BLTP1: variants seen among roughly 807,000 people sequenced by gnomAD.
BLTP1 encodes the protein fragile site-associated protein.
chr4:122,227,865 C>T, the BLTP1 span: 2 of 151,476 alleles, frequency 1.3e-5, no homozygotes, highest in Admixed American at 6.6e-5. Flanking sequence ...GGTGCCTCCC[C>T]CTCCTTTTTC....
chr4:122,205,639 C>T, the BLTP1 span, among the ~76,000 whole-genome samples: 1 of 25,690 alleles, frequency 3.9e-5, no homozygotes, highest in Non-Finnish European at 1.0e-4. Flanking sequence ...GTTTCCCCCC[C>T]CTTCTCTCTC....
the BLTP1 span, among the ~76,000 whole-genome samples, chr4:122,223,313 A>G: frequency 3.9e-5 from 6 of 152,204 alleles, no homozygotes; most frequent in African/African-American, 1.4e-4. Flanking sequence ...CCTGTGAGAT[A>G]GCCTAGACAT....
At chr4:122,271,764 AT>A in the BLTP1 span, 1 of 1,277,474 alleles carries the variant, frequency 7.8e-7, no homozygotes, top group East Asian at 2.4e-5. Context: ...TCCATTTACA[AT>A]AACAATAATA....
At chr4:122,269,614 A>G in the BLTP1 span, 5,873 of 984,972 alleles carry the variant, frequency 6.0e-3, 289 homozygotes, top group African/African-American at 0.095. Context: ...TAATTTCAGT[A>G]TTGTCTGGGT....
chr4:122,283,725 G>T, the BLTP1 span, among the ~76,000 whole-genome samples: 10 of 152,084 alleles, frequency 6.6e-5, no homozygotes, highest in African/African-American at 1.7e-4. Context: ...GCCTAGGCTG[G>T]TGTTGAACTC....
At chr4:122,236,548 G>T in the BLTP1 span, among the ~76,000 whole-genome samples, 3 of 152,138 alleles carry the variant, frequency 2.0e-5, no homozygotes, top group Non-Finnish European at 4.4e-5. Context: ...GTTGCATGAA[G>T]TGATATAGCC....
chr4:122,276,427 T>A, the BLTP1 span: 4 of 974,224 alleles, frequency 4.1e-6, no homozygotes, highest in Non-Finnish European at 4.9e-6. Flanking sequence ...TCTGTACATC[T>A]CAGCCTTATA....
the BLTP1 span, chr4:122,315,334 T>A: frequency 2.5e-6 from 3 of 1,201,526 alleles, no homozygotes; most frequent in African/African-American, 4.6e-5. Flanking sequence ...AATCCTGTAG[T>A]CTGATGTTTC....
chr4:122,300,583 C>T, the BLTP1 span, among the ~76,000 whole-genome samples: 1 of 152,012 alleles, frequency 6.6e-6, no homozygotes, highest in African/African-American at 2.4e-5. Flanking sequence ...ATAGTACTAA[C>T]TAAATAGATT....
chr4:122,290,199 T>TGCA, the BLTP1 span, among the ~76,000 whole-genome samples: 2 of 152,178 alleles, frequency 1.3e-5, no homozygotes, highest in East Asian at 3.9e-4. Context: ...GAGGAAGCCC[T>TGCA]GCAGAGCTGT....
the BLTP1 span, chr4:122,161,078 G>A: frequency 1.1e-6 from 1 of 921,682 alleles, no homozygotes; most frequent in Non-Finnish European, 1.3e-6. Flanking sequence ...ACCTTACTTG[G>A]TGATGAAGAG....
the BLTP1 span, chr4:122,328,161 T>G: frequency 6.2e-7 from 1 of 1,610,820 alleles, no homozygotes; most frequent in South Asian, 1.1e-5. Flanking sequence ...TCCATCCCAT[T>G]ATTCATCAAA....
chr4:122,288,771 TA>T, the BLTP1 span: 1 of 578,380 alleles, frequency 1.7e-6, no homozygotes, highest in Non-Finnish European at 2.2e-6. Flanking sequence ...AAGTAAATTT[TA>T]CTCTAGGAGA....
chr4:122,190,154 T>G, the BLTP1 span: 1,984 of 1,578,830 alleles, frequency 1.3e-3, 29 homozygotes, highest in African/African-American at 0.023. Context: ...TGGAATGCAG[T>G]GGCGTAATCA....
the BLTP1 span, chr4:122,237,240 G>A: frequency 6.1e-6 from 6 of 985,288 alleles, no homozygotes; most frequent in Admixed American, 3.7e-4. Flanking sequence ...AGTTGAGCAA[G>A]AGTTATTTTT....
chr4:122,257,496 G>A, the BLTP1 span: 1 of 1,613,934 alleles, frequency 6.2e-7, no homozygotes, highest in Non-Finnish European at 8.5e-7. Context: ...TTCGATGCAG[G>A]TAGTTTTGTA....
chr4:122,201,780 T>C, the BLTP1 span: 2 of 741,198 alleles, frequency 2.7e-6, no homozygotes, highest in Non-Finnish European at 3.3e-6. Flanking sequence ...GTCAGTTGGC[T>C]GTTCCACAGA....
chr4:122,229,778 C>G, the BLTP1 span: 1 of 958,120 alleles, frequency 1.0e-6, no homozygotes, highest in Non-Finnish European at 1.2e-6. Flanking sequence ...TGTCCCTTTC[C>G]CATTTTTTCC....
chr4:122,329,627 C>T, the BLTP1 span, among the ~76,000 whole-genome samples: 2 of 150,874 alleles, frequency 1.3e-5, no homozygotes, highest in African/African-American at 2.4e-5. Flanking sequence ...TTATGTTTTA[C>T]GTTGCCTTCG....
Sources: allele counts gnomAD v4.1 joint callset (sites outside exome capture counted in the v4.1 genomes callset), GRCh38; gene constraint gnomAD v4.1.1; transcripts MANE v1.5; gene names NCBI Gene and HGNC (gene_info 2026-07-23, HGNC 2026-07-21).